The following LRRC34 variants were observed in gnomAD, a reference collection of about 807,000 sequenced individuals.
LRRC34 encodes the protein leucine rich repeat containing 34, also known as leucine-rich repeat-containing protein 34.
LRRC34 carries 44 observed loss-of-function variants against 48.5 expected under a neutral mutation model. That is an observed-to-expected ratio of 0.91 (90% CI 0.71 to 1.17). LRRC34 has a LOEUF of 1.17. Ranked by LOEUF, LRRC34 falls within the 50% of genes most tolerant of loss-of-function variation. LRRC34 has a pLI of 0.00. For missense variants in LRRC34, 502 were observed against 563.0 expected (o/e 0.89, Z 1.10); for synonymous variants, 192 against 197.6 (o/e 0.97, Z 0.24).
At chr3:169,799,693 C>CATTGATTGATTG (rs200802732) in intron 7 of LRRC34, among the ~76,000 whole-genome samples, 7 of 151,840 alleles carry the variant, frequency 4.6e-5, no homozygotes, top group South Asian at 2.1e-4. Context: ...CAAACACTGA[C>CATTGATTGATTG]ATTGATTGAT....
rs1201641205 is a variant in LRRC34, at chr3:169,812,341, G to A, written c.139+69C>T. ...GCGGGCTGCTGGGAGGACTCCTGCC[G>A]TGCGACCCCGGCGCCCCTCGCGCGT... On this transcript the variant is annotated intron_variant, in intron 1 of 10. Coordinates refer to ENST00000446859, the MANE Select transcript of LRRC34 (RefSeq NM_001172779.2). The surrounding 1 kb of genome is among the most constrained non-coding windows in gnomAD (Gnocchi z 4.3). The A allele has an allele frequency of 1.4e-6, 2 of 1,463,268 alleles. No homozygotes were observed. Among genetic ancestry groups the A allele is most frequent in the Admixed American group, 4.7e-5 (2 of 42,976 alleles). 90.6% of individuals were successfully genotyped at this position (1,463,268 alleles called of 1,614,324 possible). A position where few individuals can be genotyped will look rare whatever the true frequency, so the allele number is the denominator to read the frequency against.
chr3:169,803,372 G>A (rs771998269), intron 6 of LRRC34, among the ~76,000 whole-genome samples: 18 of 152,128 alleles, frequency 1.2e-4, no homozygotes, highest in Non-Finnish European at 8.8e-5. Context: ...ATGTCATGTC[G>A]CCCAGCTTCA....
chr3:169,799,407 A>C (rs928551951), intron 7 of LRRC34, among the ~76,000 whole-genome samples: 7 of 152,232 alleles, frequency 4.6e-5, no homozygotes, highest in East Asian at 1.9e-4. Flanking sequence ...TCATCCCAGC[A>C]CTTTGGGAGG....
At chr3:169,805,383 C>A (rs1040411618) in intron 5 of LRRC34, among the ~76,000 whole-genome samples, 3 of 152,018 alleles carry the variant, frequency 2.0e-5, no homozygotes, top group Admixed American at 6.5e-5. Flanking sequence ...AAATTAAGAA[C>A]AACAGTTCCA....
Position 169,800,654 on chromosome 3 carries a change from C to T in LRRC34, c.753+5G>A, listed in dbSNP as rs910307177. The T allele has an allele frequency of 2.6e-5, 39 of 1,508,916 alleles. No homozygotes were observed. Among genetic ancestry groups the T allele is most frequent in the Non-Finnish European group, 3.5e-5 (39 of 1,126,100 alleles). The allele number at this position is 1,508,916 out of a possible 1,614,324, so 93.5% of individuals were successfully genotyped here. ...ATATTAACTACCATCACTTTGAATA[C>T]ATACCTGTTCACTGTACAGTATAGG... On this transcript the variant is annotated splice_donor_5th_base_variant and intron_variant, in intron 7 of 10. Transcript: ENST00000446859.
chr3:169,807,358 G>A, intron 4 of LRRC34, 68 bp downstream of exon 4: 1 of 1,387,880 alleles, frequency 7.2e-7, no homozygotes, highest in Non-Finnish European at 1.0e-6. Context: ...AGTGTTTTAT[G>A]TGTGTGTCAT....
intron 6 of LRRC34, among the ~76,000 whole-genome samples, chr3:169,803,522 C>G (rs1779266577): frequency 6.6e-6 from 1 of 152,216 alleles, no homozygotes; most frequent in Admixed American, 6.5e-5. Context: ...GCCTCCACCT[C>G]CTGGTTCAAG....
intron 7 of LRRC34, 132 bp downstream of exon 7, chr3:169,800,527 A>G: frequency 2.1e-6 from 1 of 471,194 alleles, no homozygotes; most frequent in Non-Finnish European, 3.7e-6. Context: ...ATTTTTATAA[A>G]TAGTAGTTTA....
At chr3:169,804,021 C>G (rs763991870) in intron 6 of LRRC34, 32 bp downstream of exon 6, 1 of 1,531,304 alleles carries the variant, frequency 6.5e-7, no homozygotes, top group South Asian at 1.3e-5. Flanking sequence ...GACCCACTAT[C>G]TGGATGATTT....
chr3:169,803,083 C>T (rs1048450192), intron 6 of LRRC34, among the ~76,000 whole-genome samples: 21 of 152,222 alleles, frequency 1.4e-4, no homozygotes, highest in African/African-American at 4.8e-4. Context: ...ACAACAGGTT[C>T]CCAAGAGTAG....
intron 9 of LRRC34, 28 bp downstream of exon 9, chr3:169,796,186 T>C (rs1778980389): frequency 9.6e-6 from 15 of 1,559,870 alleles, no homozygotes; most frequent in Non-Finnish European, 1.3e-5. Flanking sequence ...TTTTCTGTTA[T>C]TTTGATTAAA....
intron 6 of LRRC34, among the ~76,000 whole-genome samples, chr3:169,801,178 C>T (rs1372711870): frequency 2.6e-5 from 4 of 152,154 alleles, no homozygotes; most frequent in African/African-American, 9.7e-5. Flanking sequence ...TCACAGATCC[C>T]ATAGGCCTCT....
chr3:169,800,627 T>A, intron 7 of LRRC34, 32 bp downstream of exon 7: 1 of 1,342,878 alleles, frequency 7.4e-7, no homozygotes, highest in Non-Finnish European at 1.0e-6. Context: ...ATTCATGTTG[T>A]TATATTAACT....
chr3:169,807,946 A>ACACACT (rs1779439797), intron 2 of LRRC34: 2 of 453,486 alleles, frequency 4.4e-6, no homozygotes, highest in African/African-American at 2.0e-5. Context: ...GCTCTCTCAC[A>ACACACT]CACACTCACA....
intron 6 of LRRC34, among the ~76,000 whole-genome samples, chr3:169,801,615 C>T (rs1354597984): frequency 2.6e-5 from 4 of 152,202 alleles, no homozygotes; most frequent in Admixed American, 2.0e-4. Flanking sequence ...CTGTGACCCA[C>T]AACCCACACA....
intron 8 of LRRC34, 145 bp downstream of exon 8, chr3:169,796,600 A>C: frequency 2.1e-6 from 2 of 975,590 alleles, no homozygotes; most frequent in Non-Finnish European, 2.9e-6. Context: ...TAAATATTAA[A>C]GCTTAGGACA....
chr3:169,800,037 C>T (rs1779135586), intron 7 of LRRC34, among the ~76,000 whole-genome samples: 1 of 152,168 alleles, frequency 6.6e-6, no homozygotes, highest in African/African-American at 2.4e-5. Context: ...AAACATTGAA[C>T]TTTATAAAGT....
Position 169,796,196 on chromosome 3 carries a change from A to G in LRRC34, c.1064+18T>C. ...TTTGCTTTTCTGTTATTTTGATTAAATATAAAACCATACTAACGCTTTAAG... is the reference window on the plus strand; with the variant it reads ...TTTGCTTTTCTGTTATTTTGATTAAGTATAAAACCATACTAACGCTTTAAG... On this transcript the variant is annotated intron_variant, in intron 9 of 10. Coordinates refer to ENST00000446859, the MANE Select transcript of LRRC34 (RefSeq NM_001172779.2). 1 of 1,579,512 alleles carries G rather than the reference A, an allele frequency of 6.3e-7. No individual in the cohort carries two copies. The highest frequency in any genetic ancestry group is 8.5e-7 in the Non-Finnish European group (1 of 1,170,510).
chr3:169,805,729 ACAAAATTAGC>A (rs1162785055), intron 5 of LRRC34, among the ~76,000 whole-genome samples: 1 of 152,110 alleles, frequency 6.6e-6, no homozygotes, highest in Non-Finnish European at 1.5e-5. Context: ...TACTAAAAGT[ACAAAATTAGC>A]CAGGCATGGT....
Sources: gnomAD v4.1 joint callset for allele counts (sites outside exome capture counted in the v4.1 genomes callset) on GRCh38, gnomAD v4.1.1 for gene constraint, Gnocchi (gnomAD v3.1) non-coding constraint, MANE v1.5 for transcripts, NCBI Gene and HGNC (gene_info 2026-07-23, HGNC 2026-07-21) for gene names.